SNX31: variants seen among roughly 807,000 people sequenced by gnomAD.
SNX31 encodes the protein sorting nexin 31.
SNX31 carries 58 observed loss-of-function variants against 65.4 expected under a neutral mutation model. The ratio of observed to expected loss-of-function variants is 0.89; its 90% CI spans 0.72 to 1.10. The LOEUF (loss-of-function observed/expected upper bound fraction) is 1.10, where lower values mean the gene tolerates loss of function less well. Ranked by LOEUF, SNX31 falls within the 50% of genes least tolerant of loss-of-function variation. The probability of loss-of-function intolerance (pLI) is 0.00; values close to 1 mark genes in which losing one functional copy is unlikely to be tolerated. For missense variants in SNX31, 523 were observed against 529.7 expected, an observed-to-expected ratio of 0.99 and a Z score of 0.12; for synonymous variants, 181 against 190.1, an observed-to-expected ratio of 0.95 and a Z score of 0.39.
At chr8:100,583,908 A>G (rs1339232817) in intron 12 of SNX31, among the ~76,000 whole-genome samples, 2 of 152,192 alleles carry the variant, frequency 1.3e-5, no homozygotes, top group Non-Finnish European at 2.9e-5. Flanking sequence ...AATGACTTCA[A>G]TTCTAAAGAC....
chr8:100,601,558 G>A lies in SNX31; in HGVS notation c.682-1117C>T, dbSNP rs185568315. On this transcript the variant is annotated intron_variant, in intron 8 of 13. Transcript: ENST00000311812. Reference sequence around the variant, plus strand: ...ATATCTGGTTGATTTAAGATTTGGGGTGACATCTACTTTCATTTTTGAACT... The same window carrying A: ...ATATCTGGTTGATTTAAGATTTGGGATGACATCTACTTTCATTTTTGAACT... Among the ~76,000 whole-genome samples, 3 of 152,220 alleles carry A rather than the reference G, an allele frequency of 2.0e-5. No homozygotes were observed. The East Asian group carries it at 5.8e-4, about 29-fold the overall frequency.
rs903334467 is a variant in SNX31, at chr8:100,610,991, G to A, written c.611+1009C>T. On this transcript the variant is annotated intron_variant, in intron 7 of 13. Coordinates refer to ENST00000311812, the MANE Select transcript of SNX31 (RefSeq NM_152628.4). The surrounding 1 kb of genome is among the most constrained non-coding windows in gnomAD (Gnocchi z 4.0). ...ACTGGGAGCTGCAGGTTATAGGACT[G>A]GGGGTGCATAAGGTCCTGCTGCTCA... Among the ~76,000 whole-genome samples, 4 of 152,204 alleles carry A rather than the reference G, an allele frequency of 2.6e-5. No homozygotes were observed. In the South Asian group the frequency reaches 8.3e-4, roughly 31 times the overall value.
Position 100,617,713 on chromosome 8 carries a change from G to T in SNX31, c.339C>A (p.Ala113=). 6.2e-7 allele frequency: 1 copy of T among 1,612,576 alleles called. No homozygotes were observed. The highest frequency in any genetic ancestry group is 8.5e-7 in the Non-Finnish European group (1 of 1,179,584). ...ATATGTCCAGATAAGCTTTCTTGGTGGCGATGTCAAATGTATTCTATAAGC... is the reference window on the plus strand; with the variant it reads ...ATATGTCCAGATAAGCTTTCTTGGTTGCGATGTCAAATGTATTCTATAAGC... The part of the protein sequence containing the change: ...KLAQLNTFDI[A]TKKAYLDIFL... The change falls in exon 5 of 14, where the codon GCC becomes GCA. Residue 113 remains alanine (A), a synonymous_variant. Coordinates refer to ENST00000311812, the MANE Select transcript of SNX31 (RefSeq NM_152628.4).
At chr8:100,649,157 G>T in intron 2 of SNX31, 117 bp downstream of exon 2, 2 of 932,008 alleles carry the variant, frequency 2.1e-6, no homozygotes, top group South Asian at 1.5e-5. Context: ...ACAATAGGAA[G>T]CCCGAGGCCG....
chr8:100,584,281 C>T lies in SNX31; in HGVS notation c.1093-93G>A, dbSNP rs1248157960. ...CACCACAAAGCGGATTTTGACTCTG[C>T]CCTCCAATAACACAGATTCAAGAAT... On this transcript the variant is annotated intron_variant, in intron 11 of 13. Transcript: ENST00000311812. 19 of 905,098 alleles carry T rather than the reference C, an allele frequency of 2.1e-5. No homozygotes were observed. The South Asian group carries it at 3.0e-4, about 14-fold the overall frequency. The allele number at this position is 905,098 out of a possible 1,614,324, so 56.1% of individuals were successfully genotyped here. A position where few individuals can be genotyped will look rare whatever the true frequency, so the allele number is the denominator to read the frequency against.
At chr8:100,649,053 T>C (rs955953992) in intron 2 of SNX31, among the ~76,000 whole-genome samples, 5 of 152,210 alleles carry the variant, frequency 3.3e-5, no homozygotes, top group Admixed American at 6.5e-5. Context: ...CCCGGTTCCC[T>C]CATCTCACAG....
Position 100,594,498 on chromosome 8 carries a change from C to A in SNX31, c.978+2141G>T, listed in dbSNP as rs1814883716. ...AAAATGGGTAAAAGATATGAGAAGA[C>A]ATTTTACCAAAGAAGATATACAGAT... On this transcript the variant is annotated intron_variant, in intron 10 of 13. Transcript: ENST00000311812. The surrounding 1 kb of genome is among the most constrained non-coding windows in gnomAD (Gnocchi z 4.0). 6.6e-6 allele frequency among the ~76,000 whole-genome samples: 1 copy of A among 152,132 alleles called. No homozygotes were observed. The highest frequency in any genetic ancestry group is 1.5e-5 in the Non-Finnish European group (1 of 68,010).
rs540632446 is a variant in SNX31, at chr8:100,622,299, T to G, written c.322-4569A>C. On this transcript the variant is annotated intron_variant, in intron 4 of 13. Transcript: ENST00000311812. This position sits in a 1 kb window ranked among gnomAD's most constrained non-coding sequence, Gnocchi z 5.0. Reference sequence around the variant, plus strand: ...TAGACATTTAATAATCTTGGTTCCATATTTCTCAAAATAATCCAAGTGAGA... The same window carrying G: ...TAGACATTTAATAATCTTGGTTCCAGATTTCTCAAAATAATCCAAGTGAGA... Among the ~76,000 whole-genome samples, 22 of 152,190 alleles carry G rather than the reference T, an allele frequency of 1.4e-4. No individual in the cohort carries two copies. The highest frequency in any genetic ancestry group is 3.1e-4 in the Non-Finnish European group (21 of 68,038).
rs80101551 is a variant in SNX31, at chr8:100,589,365, C to T, written c.979-386G>A. Among the ~76,000 whole-genome samples the T allele has an allele frequency of 6.6e-3, 1,003 of 151,882 alleles. 10 individuals are homozygous for T. Among genetic ancestry groups the T allele is most frequent in the African/African-American group, 0.022 (910 of 41,386 alleles). On this transcript the variant is annotated intron_variant, in intron 10 of 13. Coordinates refer to ENST00000311812, the MANE Select transcript of SNX31 (RefSeq NM_152628.4). Reference sequence around the variant, plus strand: ...AATATCAAAATGAGGGAGACTGTCCCTATTTCCAAGAAGGTATCAGTCTAT... The same window carrying T: ...AATATCAAAATGAGGGAGACTGTCCTTATTTCCAAGAAGGTATCAGTCTAT...
At position 100,592,538 on chromosome 8, in the gene SNX31, G is replaced by A. The variant is rs558460871; in HGVS notation, c.979-3559C>T. Reference sequence around the variant, plus strand: ...ACTGCTGCTGGGGATATAAAATGGTGCAGCCACTTTGGAAACTAGGCTGGC... The same window carrying A: ...ACTGCTGCTGGGGATATAAAATGGTACAGCCACTTTGGAAACTAGGCTGGC... On this transcript the variant is annotated intron_variant, in intron 10 of 13. Transcript: ENST00000311812. Among the ~76,000 whole-genome samples the A allele has an allele frequency of 1.7e-4, 26 of 152,298 alleles. 1 individual carries two copies. The highest frequency in any genetic ancestry group is 1.4e-3 in the Admixed American group (22 of 15,298).
chr8:100,652,729 T>C (rs1819996565), upstream of SNX31, among the ~76,000 whole-genome samples: 1 of 152,136 alleles, frequency 6.6e-6, no homozygotes, highest in South Asian at 2.1e-4. Flanking sequence ...TCTGTCTTGT[T>C]CTGGAACTTT....
At chr8:100,618,874 T>A (rs1817470166) in intron 4 of SNX31, 1 of 155,268 alleles carries the variant, frequency 6.4e-6, no homozygotes, top group African/African-American at 2.4e-5. Context: ...GGGTTGTTTA[T>A]GGAGGTGCCG....
chr8:100,604,149 C>T lies in SNX31; in HGVS notation c.682-3708G>A, dbSNP rs1307787781. On this transcript the variant is annotated intron_variant, in intron 8 of 13. Coordinates refer to ENST00000311812, the MANE Select transcript of SNX31 (RefSeq NM_152628.4). This position sits in a 1 kb window ranked among gnomAD's most constrained non-coding sequence, Gnocchi z 4.3. ...CTGAGTAGGTCCAGACAATGAGAGT[C>T]GAGTCTAGACAAGTCTACTCAGTTA... Among the ~76,000 whole-genome samples the T allele has an allele frequency of 6.6e-6, 1 of 152,008 alleles. No homozygotes were observed. Among genetic ancestry groups the T allele is most frequent in the African/African-American group, 2.4e-5 (1 of 41,352 alleles).
intron 4 of SNX31, among the ~76,000 whole-genome samples, chr8:100,623,752 CT>C (rs1293149414): frequency 6.6e-6 from 1 of 152,172 alleles, no homozygotes; most frequent in Non-Finnish European, 1.5e-5. Flanking sequence ...ACACTCCCAT[CT>C]TCCACTTCTC....
intron 2 of SNX31, among the ~76,000 whole-genome samples, chr8:100,645,274 AAC>A (rs1819543094): frequency 6.6e-6 from 1 of 152,190 alleles, no homozygotes; most frequent in Non-Finnish European, 1.5e-5. Flanking sequence ...ATATTCCCCA[AAC>A]ACACACACAG....
rs371024851 is a variant in SNX31 at position 100,618,458 on chromosome 8, A to G, written c.322-728T>C. ...CAATTCTCCAGTTCTTGAACATCAC[A>G]ATGGCTGTCCAACAATTCAATTCAA... On this transcript the variant is annotated intron_variant, in intron 4 of 13. Transcript: ENST00000311812. 3.5e-5 allele frequency: 25 copies of G among 724,264 alleles called. No individual in the cohort carries two copies. The Admixed American group carries it at 4.0e-4, about 12-fold the overall frequency. The allele number at this position is 724,264 out of a possible 1,614,324, so 44.9% of individuals were successfully genotyped here.
At chr8:100,591,488 C>CAAAAA (rs71274986) in intron 10 of SNX31, among the ~76,000 whole-genome samples, 2 of 77,522 alleles carry the variant, frequency 2.6e-5, no homozygotes, top group African/African-American at 4.8e-5. Context: ...GACTCCGTCT[C>CAAAAA]AAAAAAAAAA....
chr8:100,642,542 G>A (rs1485695187), intron 2 of SNX31, among the ~76,000 whole-genome samples: 3 of 152,224 alleles, frequency 2.0e-5, no homozygotes, highest in Admixed American at 6.5e-5. Flanking sequence ...TACAACCTGA[G>A]CTGACTTGTC....
intron 8 of SNX31, among the ~76,000 whole-genome samples, chr8:100,606,899 C>T (rs58454852): frequency 0.21 from 32,354 of 152,130 alleles, 3,802 homozygotes; most frequent in Admixed American, 0.33. Flanking sequence ...TTAATTAATA[C>T]GATGCCAGGC....
Sources: gnomAD v4.1 joint callset for allele counts (sites outside exome capture counted in the v4.1 genomes callset) on GRCh38, gnomAD v4.1.1 for gene constraint, Gnocchi (gnomAD v3.1) non-coding constraint, MANE v1.5 for transcripts, NCBI Gene and HGNC (gene_info 2026-07-23, HGNC 2026-07-21) for gene names.